Variants in MPHOSPH8 observed in about 807,000 individuals in gnomAD.
The protein encoded by MPHOSPH8 is M-phase phosphoprotein 8, also known as M-phase phosphoprotein, mpp.
In MPHOSPH8, 45 loss-of-function variants were observed where a neutral mutation model predicts 87.3. The ratio of observed to expected loss-of-function variants is 0.52; its 90% confidence interval spans 0.41 to 0.66. The LOEUF is 0.66. MPHOSPH8 is among the 30% of genes least tolerant of loss of function. The probability of loss-of-function intolerance (pLI) is 0.00; values close to 1 mark genes in which losing one functional copy is unlikely to be tolerated. For missense variants in MPHOSPH8, 883 were observed against 1,020.2 expected (o/e 0.87, Z 1.83); for synonymous variants, 366 against 376.9 (o/e 0.97, Z 0.33).
At position 19,646,818 on chromosome 13, in the gene MPHOSPH8, A is replaced by G; in HGVS notation, c.745A>G (p.Asn249Asp). The G allele has an allele frequency of 6.3e-7, 1 of 1,595,164 alleles. No homozygotes were observed. Among genetic ancestry groups the G allele is most frequent in the South Asian group, 1.2e-5 (1 of 86,470 alleles). ...KTKTREDPKE[N>D]RKTKKEKFVE... ...GAAAACAAGAGAAGATCCCAAAGAAAATAGAAAAACAAAAAAAGAAAAATT... is the reference window on the plus strand; with the variant it reads ...GAAAACAAGAGAAGATCCCAAAGAAGATAGAAAAACAAAAAAAGAAAAATT... Residue 249 changes from asparagine to aspartate, a missense_variant, in exon 3 of 14, where the codon AAT (asparagine) becomes GAT (aspartate). Physicochemically the swap from Asn to Asp is conservative, Grantham distance 23. This residue lies in a region of MPHOSPH8 where 741 missense variants were observed against 841.5 expected (regional missense o/e 0.88). Coordinates refer to ENST00000361479, the MANE Select transcript of MPHOSPH8 (RefSeq NM_017520.4).
At chr13:19,657,896 C>G (rs1875283946) in intron 5 of MPHOSPH8, among the ~76,000 whole-genome samples, 1 of 152,212 alleles carries the variant, frequency 6.6e-6, no homozygotes, top group Admixed American at 6.5e-5. Flanking sequence ...AAGACTGGCT[C>G]TGCCACTCAC....
rs967532458 is a variant in MPHOSPH8, at chr13:19,673,377, C to G, written c.*1502C>G. ...CGTTTGTGTAGATATTTCAGAGAAC[C>G]ATTTTTACTTTACATCCTAAAACTG... On this transcript the variant is annotated 3_prime_UTR_variant, in exon 14 of 14. Transcript: ENST00000361479. 4 of 258,758 alleles carry G rather than the reference C, an allele frequency of 1.5e-5. No homozygotes were observed. Among genetic ancestry groups the G allele is most frequent in the African/African-American group, 4.4e-5 (2 of 44,946 alleles). 16.0% of individuals were successfully genotyped at this position (258,758 alleles called of 1,614,324 possible). A position where few individuals can be genotyped will look rare whatever the true frequency, so the allele number is the denominator to read the frequency against.
chr13:19,642,403 C>T (rs1300728476), intron 2 of MPHOSPH8, 133 bp downstream of exon 2: 6 of 732,742 alleles, frequency 8.2e-6, no homozygotes, highest in Admixed American at 4.1e-5. Context: ...TCCATGTAGC[C>T]AATTCTCACA....
At chr13:19,668,922 C>T (rs1023521324) in intron 11 of MPHOSPH8, among the ~76,000 whole-genome samples, 1 of 152,172 alleles carries the variant, frequency 6.6e-6, no homozygotes, top group African/African-American at 2.4e-5. Context: ...GGAGAAGCCA[C>T]TTTCCTCTCT....
At chr13:19,638,357 G>A (rs1874110728) in intron 1 of MPHOSPH8, among the ~76,000 whole-genome samples, 1 of 152,068 alleles carries the variant, frequency 6.6e-6, no homozygotes, top group African/African-American at 2.4e-5. Context: ...GCTCACACCT[G>A]TAATCCCAGC....
intron 1 of MPHOSPH8, among the ~76,000 whole-genome samples, chr13:19,635,160 C>CCACT (rs1220738089): frequency 6.6e-6 from 1 of 152,172 alleles, no homozygotes; most frequent in African/African-American, 2.4e-5. Context: ...AAAGGATGAG[C>CCACT]CACTGTTAGA....
chr13:19,667,882 A>G (rs1289292049), intron 10 of MPHOSPH8, among the ~76,000 whole-genome samples: 1 of 151,968 alleles, frequency 6.6e-6, no homozygotes. Flanking sequence ...ACAGTAGCGA[A>G]CTCAAGGCGG....
chr13:19,635,863 G>A (rs1335600674), intron 1 of MPHOSPH8, among the ~76,000 whole-genome samples: 3 of 152,164 alleles, frequency 2.0e-5, no homozygotes, highest in Non-Finnish European at 4.4e-5. Context: ...GGCGCGACCA[G>A]GTGGAGGTAG....
chr13:19,670,510 T>A (rs1876066174), intron 12 of MPHOSPH8, 147 bp downstream of exon 12: 1 of 1,014,032 alleles, frequency 9.9e-7, no homozygotes, highest in Admixed American at 3.0e-5. Context: ...GCAATACCCA[T>A]AAAGTAAAAT....
chr13:19,657,324 T>G (rs1401350296), intron 5 of MPHOSPH8, among the ~76,000 whole-genome samples: 1 of 151,946 alleles, frequency 6.6e-6, no homozygotes, highest in Non-Finnish European at 1.5e-5. Flanking sequence ...GAGACCAGCC[T>G]GGCTAACATG....
intron 11 of MPHOSPH8, among the ~76,000 whole-genome samples, chr13:19,669,964 A>G (rs1342865314): frequency 6.6e-6 from 1 of 152,242 alleles, no homozygotes; most frequent in African/African-American, 2.4e-5. Flanking sequence ...AATACCAGTT[A>G]AATAACTTCA....
At chr13:19,660,172 G>A (rs1483129471) in intron 7 of MPHOSPH8, among the ~76,000 whole-genome samples, 1 of 150,438 alleles carries the variant, frequency 6.6e-6, no homozygotes. Context: ...GTTTCACCAT[G>A]TTAGCCAGGA....
intron 10 of MPHOSPH8, among the ~76,000 whole-genome samples, chr13:19,667,879 C>A (rs945238005): frequency 6.6e-6 from 1 of 152,116 alleles, no homozygotes; most frequent in East Asian, 1.9e-4. Context: ...CAGACAGTAG[C>A]GAACTCAAGG....
At chr13:19,671,531 G>T (rs1876125008) in intron 13 of MPHOSPH8, among the ~76,000 whole-genome samples, 1 of 152,184 alleles carries the variant, frequency 6.6e-6, no homozygotes, top group African/African-American at 2.4e-5. Flanking sequence ...GGAGCCATCT[G>T]AATCATGATC....
intron 9 of MPHOSPH8, among the ~76,000 whole-genome samples, chr13:19,663,380 C>G (rs1875652324): frequency 6.6e-6 from 1 of 152,200 alleles, no homozygotes; most frequent in Non-Finnish European, 1.5e-5. Flanking sequence ...GAGCTGGGCC[C>G]TGGGGACCCT....
At chr13:19,653,392 C>T (rs1874967166) in intron 5 of MPHOSPH8, among the ~76,000 whole-genome samples, 1 of 152,162 alleles carries the variant, frequency 6.6e-6, no homozygotes, top group Non-Finnish European at 1.5e-5. Context: ...AAAGGATGTC[C>T]ACTCACACCC....
chr13:19,650,679 G>A (rs2137517386), intron 5 of MPHOSPH8, among the ~76,000 whole-genome samples: 1 of 152,252 alleles, frequency 6.6e-6, no homozygotes, highest in East Asian at 1.9e-4. Context: ...CATTGGAGCT[G>A]GTCAAGAAGA....
At chr13:19,663,357 AG>A (rs1470300828) in intron 9 of MPHOSPH8, among the ~76,000 whole-genome samples, 1 of 152,220 alleles carries the variant, frequency 6.6e-6, no homozygotes, top group Non-Finnish European at 1.5e-5. Flanking sequence ...ATGAGGTCAC[AG>A]GGAAGTGCTC....
In MPHOSPH8 at chr13:19,671,226, A is replaced by G. The variant is rs1380726295; in HGVS notation, c.2478A>G (p.Ser826=). The change falls in exon 13 of 14, where the codon TCA becomes TCG. Residue 826 remains serine, a synonymous_variant. Coordinates refer to ENST00000361479, the MANE Select transcript of MPHOSPH8 (RefSeq NM_017520.4). ...PVFLDSHFVY[S]FSPVAGPNKL... ...TGTAGGACAGTCATTTTGTTTACTC[A>G]TTCAGCCCTGTTGCAGGTCCCAATA... 2 of 1,613,900 alleles carry G rather than the reference A, an allele frequency of 1.2e-6. No homozygotes were observed. The highest frequency in any genetic ancestry group is 1.7e-6 in the Non-Finnish European group (2 of 1,179,994).
Sources: gnomAD v4.1 joint callset for allele counts (sites outside exome capture counted in the v4.1 genomes callset) on GRCh38, gnomAD v4.1.1 for gene constraint, gnomAD v4.1.1 regional missense constraint, MANE v1.5 for transcripts, NCBI Gene and HGNC (gene_info 2026-07-23, HGNC 2026-07-21) for gene names.